The following NUF2 variants were observed in gnomAD, a reference collection of about 807,000 sequenced individuals.
The protein encoded by NUF2 is NUF2 component of NDC80 kinetochore complex.
A neutral mutation model predicts 61.8 loss-of-function variants in NUF2; 34 were observed. The ratio of observed to expected loss-of-function variants is 0.55; its 90% confidence interval spans 0.42 to 0.73. NUF2 has a LOEUF of 0.73. Ranked by LOEUF, NUF2 falls within the 30% of genes least tolerant of loss-of-function variation. NUF2 has a pLI of 0.00. For synonymous variants in NUF2, 172 were observed against 181.6 expected, an observed-to-expected ratio of 0.95 and a Z score of 0.42; for missense variants, 445 against 539.1, an observed-to-expected ratio of 0.83 and a Z score of 1.73.
chr1:163,350,536 C>A (rs1651281481), intron 13 of NUF2, among the ~76,000 whole-genome samples: 1 of 152,178 alleles, frequency 6.6e-6, no homozygotes, highest in African/African-American at 2.4e-5. Context: ...TTGCCAGTTA[C>A]ATTTTCCATT....
In NUF2 at chr1:163,340,613, A is replaced by G. The variant is rs550928531; in HGVS notation, c.669+187A>G. Among the ~76,000 whole-genome samples the G allele has an allele frequency of 2.6e-5, 4 of 152,324 alleles. No individual in the cohort carries two copies. In the South Asian group the frequency reaches 8.3e-4, roughly 32 times the overall value. On this transcript the variant is annotated intron_variant, in intron 9 of 13. Transcript: ENST00000271452. The stretch of plus-strand genomic sequence containing the variant: ...AAATATCGAAACACAGAAATGTATG[A>G]AGAAAGTAAACATCACCTGAAAGCT...
intron 11 of NUF2, among the ~76,000 whole-genome samples, chr1:163,346,427 A>AAGAAGGT (rs1252520498): frequency 1.3e-5 from 2 of 152,294 alleles, no homozygotes; most frequent in African/African-American, 4.8e-5. Flanking sequence ...TTCTGACCAT[A>AAGAAGGT]CATCAGAGTA....
intron 13 of NUF2, 38 bp from the exon 14 acceptor site, chr1:163,355,297 C>A: frequency 1.3e-6 from 2 of 1,492,236 alleles, no homozygotes; most frequent in African/African-American, 1.4e-5. Flanking sequence ...TAGGTTGTTG[C>A]ATGGAATAAT....
intron 3 of NUF2, 47 bp downstream of exon 3, chr1:163,327,609 G>A (rs1189115133): frequency 1.6e-6 from 2 of 1,225,112 alleles, no homozygotes; most frequent in Non-Finnish European, 2.4e-6. Flanking sequence ...TTGTTTGTTT[G>A]TTTGTTTTGT....
At chr1:163,341,199 T>C (rs1014900259) in intron 9 of NUF2, among the ~76,000 whole-genome samples, 4 of 152,116 alleles carry the variant, frequency 2.6e-5, no homozygotes, top group African/African-American at 9.7e-5. Flanking sequence ...CTCATTTTAT[T>C]TGTACTTATT....
At position 163,353,702 on chromosome 1, in the gene NUF2, G is replaced by A. The variant is rs888337457; in HGVS notation, c.1261-1633G>A. Among the ~76,000 whole-genome samples, 10 of 152,222 alleles carry A rather than the reference G, an allele frequency of 6.6e-5. No individual in the cohort carries two copies. In the South Asian group the frequency reaches 8.3e-4, roughly 13 times the overall value. On this transcript the variant is annotated intron_variant, in intron 13 of 13. Coordinates refer to ENST00000271452, the MANE Select transcript of NUF2 (RefSeq NM_145697.3). The stretch of plus-strand genomic sequence containing the variant: ...TTCCACTTGGATGTAGAATTTAATC[G>A]AAAATGCTAAAATACATAGTATTTG...
At position 163,355,674 on chromosome 1, in the gene NUF2, C is replaced by A. The variant is rs1651464509; in HGVS notation, c.*205C>A. 2 of 345,168 alleles carry A rather than the reference C, an allele frequency of 5.8e-6. No individual in the cohort carries two copies. Among genetic ancestry groups the A allele is most frequent in the South Asian group, 1.5e-4 (2 of 13,036 alleles). 21.4% of individuals were successfully genotyped at this position (345,168 alleles called of 1,614,324 possible). A position where few individuals can be genotyped will look rare whatever the true frequency, so the allele number is the denominator to read the frequency against. On this transcript the variant is annotated 3_prime_UTR_variant, in exon 14 of 14. Transcript: ENST00000271452. ...AATTAAAATAACTTGTGCAGCTATTCATGTCTCTACTCTGCCCCTTGTTGT... is the reference window on the plus strand; with the variant it reads ...AATTAAAATAACTTGTGCAGCTATTAATGTCTCTACTCTGCCCCTTGTTGT...
chr1:163,338,810 TAATATACA>T, intron 7 of NUF2, among the ~76,000 whole-genome samples: 1 of 152,208 alleles, frequency 6.6e-6, no homozygotes, highest in South Asian at 2.1e-4. Flanking sequence ...GTAATATTCC[TAATATACA>T]AATATAATAT....
Position 163,347,818 on chromosome 1 carries a change from A to G in NUF2, c.1004A>G (p.Lys335Arg). ...ESDESELKKL[K>R]TEENSFKRLM... The stretch of plus-strand genomic sequence containing the variant: ...GATGAGTCAGAACTGAAGAAATTGA[A>G]GACTGAAGAAAATTCGTTCAAAAGA... Residue 335 changes from lysine (K) to arginine (R), a missense_variant, in exon 12 of 14, where the codon AAG becomes AGG. Lys to Arg is a conservative substitution (Grantham distance 26). Coordinates refer to ENST00000271452, the MANE Select transcript of NUF2 (RefSeq NM_145697.3). 6.2e-7 allele frequency: 1 copy of G among 1,612,144 alleles called. No homozygotes were observed. The highest frequency in any genetic ancestry group is 1.3e-5 in the African/African-American group (1 of 74,932).
chr1:163,331,419 GT>G (rs1171355952), intron 5 of NUF2, among the ~76,000 whole-genome samples: 3 of 151,596 alleles, frequency 2.0e-5, no homozygotes, highest in Admixed American at 6.6e-5. Flanking sequence ...ATTTTATTAA[GT>G]TTTTTTGTCT....
Position 163,322,042 on chromosome 1 carries a change from T to A in NUF2, c.-191T>A, listed in dbSNP as rs1650238945. The stretch of plus-strand genomic sequence containing the variant: ...GTAGCTGCTCCCCGAACTCGCCGTC[T>A]TCCTGTCGGCGGCCGGCACTGTAGG... On this transcript the variant is annotated 5_prime_UTR_variant, in exon 1 of 14. Coordinates refer to ENST00000271452, the MANE Select transcript of NUF2 (RefSeq NM_145697.3). 1 of 152,272 alleles carries A rather than the reference T, an allele frequency of 6.6e-6. No homozygotes were observed. The highest frequency in any genetic ancestry group is 2.4e-5 in the African/African-American group (1 of 41,450). The allele number at this position is 152,272 out of a possible 1,614,324, so 9.4% of individuals were successfully genotyped here. A position where few individuals can be genotyped will look rare whatever the true frequency, so the allele number is the denominator to read the frequency against.
chr1:163,335,663 A>G (rs1650735102), intron 5 of NUF2, among the ~76,000 whole-genome samples: 2 of 151,570 alleles, frequency 1.3e-5, no homozygotes, highest in Admixed American at 1.3e-4. Context: ...TATTGTTTTT[A>G]TACAATTTGG....
rs773424972 is a variant in NUF2, at chr1:163,327,437, C to T, written c.124-51C>T. 1.7e-5 allele frequency: 16 copies of T among 927,180 alleles called. No individual in the cohort carries two copies. In the East Asian group the frequency reaches 3.4e-4, roughly 19 times the overall value. The allele number at this position is 927,180 out of a possible 1,614,324, so 57.4% of individuals were successfully genotyped here. On this transcript the variant is annotated intron_variant, in intron 2 of 13. Coordinates refer to ENST00000271452, the MANE Select transcript of NUF2 (RefSeq NM_145697.3). ...TATTGTATGGTAATGATGATAGTGA[C>T]ATAGCTTTAGAGTTATGCATCGGAG...
chr1:163,350,281 G>A (rs372331593), intron 13 of NUF2, among the ~76,000 whole-genome samples: 8 of 149,960 alleles, frequency 5.3e-5, no homozygotes, highest in South Asian at 2.1e-4. Context: ...CAGCCTGGGC[G>A]ACAGAGCAAG....
chr1:163,324,630 T>C (rs528617460), intron 1 of NUF2, among the ~76,000 whole-genome samples: 1 of 152,078 alleles, frequency 6.6e-6, no homozygotes, highest in African/African-American at 2.4e-5. Context: ...CACTGGAGAG[T>C]AGGGGATCTG....
intron 9 of NUF2, among the ~76,000 whole-genome samples, chr1:163,342,456 G>A (rs997288676): frequency 1.3e-5 from 2 of 151,982 alleles, no homozygotes; most frequent in East Asian, 3.9e-4. Flanking sequence ...ATAATGTGGT[G>A]GTTTGCAGAA....
intron 11 of NUF2, 76 bp from the exon 12 acceptor site, chr1:163,347,687 C>A: frequency 1.9e-6 from 2 of 1,032,650 alleles, no homozygotes; most frequent in Non-Finnish European, 2.7e-6. Context: ...ATAGTTCATC[C>A]TAGAAAATAT....
chr1:163,349,571 C>G (rs1651244977), intron 13 of NUF2, among the ~76,000 whole-genome samples: 1 of 151,974 alleles, frequency 6.6e-6, no homozygotes, highest in Non-Finnish European at 1.5e-5. Context: ...ACATTGACAA[C>G]TTAGATTGAG....
At chr1:163,352,250 G>A (rs953590323) in intron 13 of NUF2, among the ~76,000 whole-genome samples, 10 of 152,112 alleles carry the variant, frequency 6.6e-5, no homozygotes, top group African/African-American at 2.2e-4. Context: ...TACATACAGC[G>A]CTCTTATTAT....
Sources: gnomAD v4.1 joint callset for allele counts (sites outside exome capture counted in the v4.1 genomes callset) on GRCh38, gnomAD v4.1.1 for gene constraint, MANE v1.5 for transcripts, NCBI Gene and HGNC (gene_info 2026-07-23, HGNC 2026-07-21) for gene names.